Variants in CDC42EP5 observed in about 807,000 individuals in gnomAD.
CDC42EP5 encodes CDC42 effector protein (Rho GTPase binding) 5.
For synonymous variants in CDC42EP5, 118 were observed against 123.3 expected, an observed-to-expected ratio of 0.96 and a Z score of 0.28; for missense variants, 269 against 238.0, an observed-to-expected ratio of 1.13 and a Z score of -0.86.
At chr19:54,468,718 T>G (rs1393602505) in intron 2 of CDC42EP5, among the ~76,000 whole-genome samples, 1 of 23,970 alleles carries the variant, frequency 4.2e-5, no homozygotes, top group Non-Finnish European at 1.1e-4. Context: ...TATTTTTGTA[T>G]TTTTTTTTTT....
chr19:54,470,093 C>T (rs1271111582), intron 2 of CDC42EP5, among the ~76,000 whole-genome samples: 3 of 152,100 alleles, frequency 2.0e-5, no homozygotes, highest in African/African-American at 4.8e-5. Context: ...TGTGGCTGGG[C>T]GCCGTGGCTC....
At chr19:54,470,502 G>A in intron 2 of CDC42EP5, among the ~76,000 whole-genome samples, 1 of 140,510 alleles carries the variant, frequency 7.1e-6, no homozygotes, top group Non-Finnish European at 1.5e-5. Context: ...AGGAAAGGAA[G>A]GAGAAAGAAA....
intron 2 of CDC42EP5, among the ~76,000 whole-genome samples, chr19:54,470,479 G>T (rs2084819245): frequency 7.2e-6 from 1 of 139,012 alleles, no homozygotes. Flanking sequence ...GAAAGAAAGA[G>T]AAAGAAAAAG....
At chr19:54,468,856 CT>C (rs1260715281) in intron 2 of CDC42EP5, among the ~76,000 whole-genome samples, 4 of 139,914 alleles carry the variant, frequency 2.9e-5, no homozygotes, top group Non-Finnish European at 6.3e-5. Context: ...CCGGCCAATA[CT>C]TACTTGTCTT....
At position 54,468,924 on chromosome 19, in the gene CDC42EP5, T is replaced by TTCCTTCCTTCCTTCCTTCCTTCC. The variant is rs2084795615; in HGVS notation, c.-1+2620_-1+2621insGGAAGGAAGGAAGGAAGGAAGGA. Among the ~76,000 whole-genome samples the TTCCTTCCTTCCTTCCTTCCTTCC allele has an allele frequency of 7.5e-3, 238 of 31,596 alleles. 5 individuals are homozygous for TTCCTTCCTTCCTTCCTTCCTTCC. Among genetic ancestry groups the TTCCTTCCTTCCTTCCTTCCTTCC allele is most frequent in the African/African-American group, 0.024 (225 of 9,328 alleles). 20.7% of individuals were successfully genotyped at this position (31,596 alleles called of 152,430 possible). ...CCTTCCTTCCTTCCTTCCTTCCTTCTTTCTTTCTTTTCTTCCCTCCCTCCC... is the reference window on the plus strand; with the variant it reads ...CCTTCCTTCCTTCCTTCCTTCCTTCTTCCTTCCTTCCTTCCTTCCTTCCTTCTTTCTTTTCTTCCCTCCCTCCC... On this transcript the variant is annotated intron_variant, in intron 2 of 2. Transcript: ENST00000301200.
chr19:54,468,960 CTTCCT>C (rs1306084046), intron 2 of CDC42EP5, among the ~76,000 whole-genome samples: 26 of 97,514 alleles, frequency 2.7e-4, no homozygotes, highest in Admixed American at 6.6e-4. Flanking sequence ...TCCTTCCTTC[CTTCCT>C]TTCTTTTCTT....
At chr19:54,467,991 G>A (rs1401506686) in intron 2 of CDC42EP5, among the ~76,000 whole-genome samples, 1 of 152,144 alleles carries the variant, frequency 6.6e-6, no homozygotes, top group Non-Finnish European at 1.5e-5. Flanking sequence ...CCTACCCTTT[G>A]CCAGCTGTAT....
At chr19:54,468,582 T>TC (rs575133423) in intron 2 of CDC42EP5, among the ~76,000 whole-genome samples, 131 of 152,308 alleles carry the variant, frequency 8.6e-4, no homozygotes, top group Non-Finnish European at 1.4e-3. Context: ...TCTCACTCTG[T>TC]CACCCAGCTG....
intron 2 of CDC42EP5, 87 bp from the exon 3 acceptor site, chr19:54,465,634 CGTTTTTT>C (rs1306531281): frequency 7.6e-7 from 1 of 1,309,634 alleles, no homozygotes; most frequent in African/African-American, 1.6e-5. Context: ...GGACGGTTCC[CGTTTTTT>C]GTTTTTTGAT....
rs1457017404 is a variant in CDC42EP5, at chr19:54,471,578, C to A, written c.-34G>T. ...CCTCCCAGAGCGGGGCGGGCGCGCG[C>A]TCACGACTCCAGCTCTAGCCCGGAC... On this transcript the variant is annotated 5_prime_UTR_variant, in exon 2 of 3. Transcript: ENST00000301200. 1 of 152,114 alleles carries A rather than the reference C, an allele frequency of 6.6e-6. No individual in the cohort carries two copies. The highest frequency in any genetic ancestry group is 1.5e-5 in the Non-Finnish European group (1 of 68,042). 9.4% of individuals were successfully genotyped at this position (152,114 alleles called of 1,614,324 possible).
intron 2 of CDC42EP5, among the ~76,000 whole-genome samples, chr19:54,471,207 C>T (rs112526347): frequency 2.0e-5 from 3 of 152,050 alleles, no homozygotes; most frequent in Non-Finnish European, 4.4e-5. Flanking sequence ...CCGGGCCGCG[C>T]GTTCTCCCCC....
At chr19:54,471,206 G>A (rs1159221934) in intron 2 of CDC42EP5, among the ~76,000 whole-genome samples, 2 of 152,154 alleles carry the variant, frequency 1.3e-5, no homozygotes, top group African/African-American at 4.8e-5. Context: ...CCCGGGCCGC[G>A]CGTTCTCCCC....
At chr19:54,472,736 C>G (rs2084862531) in intron 1 of CDC42EP5, among the ~76,000 whole-genome samples, 1 of 100,784 alleles carries the variant, frequency 9.9e-6, no homozygotes, top group African/African-American at 4.0e-5. Flanking sequence ...CAGGCCCCAT[C>G]CCCTCCTCCC....
intron 2 of CDC42EP5, among the ~76,000 whole-genome samples, chr19:54,471,120 C>T (rs1191047484): frequency 6.6e-6 from 1 of 152,184 alleles, no homozygotes; most frequent in Non-Finnish European, 1.5e-5. Context: ...TGCCAGGGCT[C>T]GGGACAGAGG....
chr19:54,467,937 C>T (rs1464340311), intron 2 of CDC42EP5, among the ~76,000 whole-genome samples: 2 of 152,186 alleles, frequency 1.3e-5, no homozygotes, highest in Admixed American at 6.5e-5. Flanking sequence ...TTTGTTTTAA[C>T]AGTCACTGTT....
At chr19:54,467,980 C>T (rs769949359) in intron 2 of CDC42EP5, among the ~76,000 whole-genome samples, 10 of 152,186 alleles carry the variant, frequency 6.6e-5, no homozygotes, top group Non-Finnish European at 2.9e-5. Flanking sequence ...TCAGTTGAAG[C>T]CCTACCCTTT....
chr19:54,465,924 C>T (rs1333145858), intron 2 of CDC42EP5, among the ~76,000 whole-genome samples: 2 of 151,534 alleles, frequency 1.3e-5, no homozygotes, highest in African/African-American at 4.9e-5. Context: ...CGTGAGCCAC[C>T]GCGCCCGGCC....
chr19:54,465,440 C>T lies in CDC42EP5; in HGVS notation c.108G>A (p.Val36=). The T allele has an allele frequency of 6.6e-7, 1 of 1,505,702 alleles. No homozygotes were observed. The highest frequency in any genetic ancestry group is 8.8e-7 in the Non-Finnish European group (1 of 1,138,108). The allele number at this position is 1,505,702 out of a possible 1,614,324, so 93.3% of individuals were successfully genotyped here. The change falls in exon 3 of 3, where the codon GTG becomes GTA. Residue 36 remains valine (V), a synonymous_variant. Transcript: ENST00000301200. ...PLGDFRHTLH[V]GRGGDAFGDT... is the part of the protein sequence containing the mutation. ...CCCCGAAGGCGTCGCCGCCGCGCCC[C>T]ACGTGCAGCGTGTGCCGGAAGTCGC...
At chr19:54,471,219 G>A (rs2084831536) in intron 2 of CDC42EP5, among the ~76,000 whole-genome samples, 2 of 151,864 alleles carry the variant, frequency 1.3e-5, no homozygotes, top group South Asian at 4.2e-4. Flanking sequence ...TTCTCCCCCC[G>A]CCTCCGCCCA....
Sources: gnomAD v4.1 joint callset for allele counts (sites outside exome capture counted in the v4.1 genomes callset) on GRCh38, gnomAD v4.1.1 for gene constraint, MANE v1.5 for transcripts, NCBI Gene and HGNC (gene_info 2026-07-23, HGNC 2026-07-21) for gene names.